NRXN2: variants seen among roughly 807,000 people sequenced by gnomAD.
NRXN2 encodes the protein neurexin-2-beta.
A neutral mutation model predicts 128.8 loss-of-function variants in NRXN2; 29 were observed. The ratio of observed to expected loss-of-function variants is 0.23; its 90% CI spans 0.17 to 0.31. The LOEUF is 0.31. Ranked by LOEUF, NRXN2 falls within the 10% of genes least tolerant of loss-of-function variation. The pLI is 1.00. For missense variants in NRXN2, 1,881 were observed against 2,452.6 expected (o/e 0.77, Z 4.92); for synonymous variants, 1,098 against 1,075.2 (o/e 1.02, Z -0.41).
chr11:64,711,392 G>T (rs935860011), intron 2 of NRXN2, among the ~76,000 whole-genome samples: 1 of 152,180 alleles, frequency 6.6e-6, no homozygotes. Flanking sequence ...GGAGAGACGC[G>T]CATGCGCCGC....
At chr11:64,620,451 C>A in intron 21 of NRXN2, 79 bp from the exon 22 acceptor site, 2 of 1,119,274 alleles carry the variant, frequency 1.8e-6, no homozygotes, top group Non-Finnish European at 2.6e-6. Flanking sequence ...TTGAGGTGCA[C>A]GGTGGCACGG....
intron 2 of NRXN2, among the ~76,000 whole-genome samples, chr11:64,711,836 G>A (rs1394780967): frequency 6.6e-6 from 1 of 152,124 alleles, no homozygotes; most frequent in Non-Finnish European, 1.5e-5. Flanking sequence ...CCTCTCCCTC[G>A]TTTTCCCTTT....
At chr11:64,716,453 T>A (rs1207341988) in intron 1 of NRXN2, among the ~76,000 whole-genome samples, 2 of 151,970 alleles carry the variant, frequency 1.3e-5, no homozygotes, top group Non-Finnish European at 2.9e-5. Context: ...GACGCCTGGG[T>A]CCTGAGAGCC....
intron 9 of NRXN2, among the ~76,000 whole-genome samples, chr11:64,666,764 C>T (rs1490074796): frequency 6.6e-6 from 1 of 151,750 alleles, no homozygotes; most frequent in Non-Finnish European, 1.5e-5. Context: ...GGGGTTTCGC[C>T]GTGTTAGCCA....
Position 64,607,184 on chromosome 11 carries a change from A to C in NRXN2, c.*12T>G, listed in dbSNP as rs1385731673. On this transcript the variant is annotated 3_prime_UTR_variant, in exon 23 of 23. Transcript: ENST00000265459. ...GGAGGGGCAGCTGGCAGTGGGGCGC[A>C]GTGCCGGGGGCTCAGACATAATACT... The C allele has an allele frequency of 6.2e-7, 1 of 1,609,550 alleles. No individual in the cohort carries two copies. The highest frequency in any genetic ancestry group is 2.2e-5 in the East Asian group (1 of 44,728).
intron 1 of NRXN2, among the ~76,000 whole-genome samples, chr11:64,715,506 AG>A (rs1458805600): frequency 6.6e-6 from 1 of 152,168 alleles, no homozygotes; most frequent in Non-Finnish European, 1.5e-5. Context: ...GAAGGAAACG[AG>A]GGACCCCCTA....
intron 6 of NRXN2, among the ~76,000 whole-genome samples, chr11:64,685,173 G>A (rs2052840177): frequency 6.6e-6 from 1 of 152,096 alleles, no homozygotes; most frequent in Non-Finnish European, 1.5e-5. Context: ...GCTTGCCTTC[G>A]TGCCTTGCTG....
At position 64,630,276 on chromosome 11, in the gene NRXN2, C is replaced by T. The variant is rs2043694678; in HGVS notation, c.3757+126G>A. On this transcript the variant is annotated intron_variant, in intron 19 of 22. Transcript: ENST00000265459. The surrounding 1 kb of genome is among the most constrained non-coding windows in gnomAD (Gnocchi z 4.6). ...CTCGCAAGCTTCGTCTCTCCAGTAG[C>T]CCCGCCCCAGAGCCGCTTAGCCCCG... The T allele has an allele frequency of 2.3e-6, 2 of 878,760 alleles. No homozygotes were observed. The highest frequency in any genetic ancestry group is 6.0e-5 in the Admixed American group (2 of 33,120). The allele number at this position is 878,760 out of a possible 1,614,324, so 54.4% of individuals were successfully genotyped here. A position where few individuals can be genotyped will look rare whatever the true frequency, so the allele number is the denominator to read the frequency against.
chr11:64,635,283 C>T lies in NRXN2; in HGVS notation c.3573G>A (p.Leu1191=). 2 of 1,612,834 alleles carry T rather than the reference C, an allele frequency of 1.2e-6. No individual in the cohort carries two copies. Among genetic ancestry groups the T allele is most frequent in the Non-Finnish European group, 1.7e-6 (2 of 1,179,954 alleles). ...VDSASGLGDY[L]QLHIDQGTVG... ...CCAGGGTCCTTACGATGTGCAGCTGCAGGTAGTCTCCAAGGCCGGAGGCGC... is the reference window on the plus strand; with the variant it reads ...CCAGGGTCCTTACGATGTGCAGCTGTAGGTAGTCTCCAAGGCCGGAGGCGC... Residue 1191 remains leucine (L), a synonymous_variant, in exon 18 of 23, where the codon CTG becomes CTA. Coordinates refer to ENST00000265459, the MANE Select transcript of NRXN2 (RefSeq NM_015080.4). The surrounding 1 kb of genome is among the most constrained non-coding windows in gnomAD (Gnocchi z 4.8).
chr11:64,666,772 C>A (rs2049930316), intron 9 of NRXN2, among the ~76,000 whole-genome samples: 3 of 151,826 alleles, frequency 2.0e-5, no homozygotes, highest in Admixed American at 2.0e-4. Flanking sequence ...GCCGTGTTAG[C>A]CAGGATGGTC....
chr11:64,634,608 G>A (rs766728194), intron 18 of NRXN2, among the ~76,000 whole-genome samples: 2 of 152,152 alleles, frequency 1.3e-5, no homozygotes, highest in Admixed American at 1.3e-4. Context: ...GCTGAGCAGA[G>A]AAAGGCAGAG....
intron 15 of NRXN2, 54 bp downstream of exon 15, chr11:64,650,394 G>T: frequency 1.0e-5 from 16 of 1,584,988 alleles, no homozygotes; most frequent in Non-Finnish European, 1.4e-5. Flanking sequence ...GATCTCGCTG[G>T]GGTGAGGGGT....
chr11:64,665,195 T>C (rs1261937964), intron 9 of NRXN2, among the ~76,000 whole-genome samples: 20 of 142,284 alleles, frequency 1.4e-4, no homozygotes, highest in South Asian at 6.7e-4. Context: ...GCAGGAGAAT[T>C]GCTTGAACCC....
At chr11:64,684,910 G>C (rs538859071) in intron 6 of NRXN2, among the ~76,000 whole-genome samples, 10 of 152,192 alleles carry the variant, frequency 6.6e-5, no homozygotes, top group Non-Finnish European at 1.3e-4. Context: ...GCACCTGCGT[G>C]GGCTTGCCCA....
At chr11:64,717,231 G>A (rs1311478496) in intron 1 of NRXN2, among the ~76,000 whole-genome samples, 2 of 152,166 alleles carry the variant, frequency 1.3e-5, no homozygotes, top group African/African-American at 4.8e-5. Flanking sequence ...TACTGCCCCC[G>A]CAAGGCCCAC....
chr11:64,659,217 A>G (rs2048685565), intron 11 of NRXN2, among the ~76,000 whole-genome samples: 1 of 152,188 alleles, frequency 6.6e-6, no homozygotes, highest in African/African-American at 2.4e-5. Flanking sequence ...ATTTGACCTC[A>G]GCCTGAACAG....
chr11:64,667,374 T>A lies in NRXN2; in HGVS notation c.1674A>T (p.Leu558=). Residue 558 remains leucine, a synonymous_variant, in exon 9 of 23, where the codon CTA becomes CTT. Coordinates refer to ENST00000265459, the MANE Select transcript of NRXN2 (RefSeq NM_015080.4). This position sits in a 1 kb window ranked among gnomAD's most constrained non-coding sequence, Gnocchi z 5.6. ...AQRADYFAME[L]LDGHLYLLLD... is the part of the protein sequence containing the mutation. ...GCAGAAGATAGAGGTGGCCGTCCAA[T>A]AGCTCCATGGCAAAGTAGTCGGCCC... is the stretch of plus-strand genomic sequence containing the variant. 1 of 1,614,158 alleles carries A rather than the reference T, an allele frequency of 6.2e-7. No homozygotes were observed. Among genetic ancestry groups the A allele is most frequent in the Non-Finnish European group, 8.5e-7 (1 of 1,180,032 alleles).
Position 64,667,705 on chromosome 11 carries a change from G to A in NRXN2, c.1360-17C>T. On this transcript the variant is annotated splice_polypyrimidine_tract_variant and intron_variant, in intron 8 of 22. Transcript: ENST00000265459. This position sits in a 1 kb window ranked among gnomAD's most constrained non-coding sequence, Gnocchi z 5.6. ...ATAGACCACCTGCAGGGAGGGGTGG[G>A]GTCAGGGATAAAGAATCCGAAAGCA... 2.5e-6 allele frequency: 4 copies of A among 1,613,168 alleles called. No homozygotes were observed. The highest frequency in any genetic ancestry group is 3.4e-6 in the Non-Finnish European group (4 of 1,179,708).
At chr11:64,634,556 G>A (rs556227110) in intron 18 of NRXN2, among the ~76,000 whole-genome samples, 1 of 152,266 alleles carries the variant, frequency 6.6e-6, no homozygotes, top group Non-Finnish European at 1.5e-5. Context: ...AGGTCAAGGT[G>A]GGTAGCAGGC....
Sources: gnomAD v4.1 joint callset for allele counts (sites outside exome capture counted in the v4.1 genomes callset) on GRCh38, gnomAD v4.1.1 for gene constraint, Gnocchi (gnomAD v3.1) non-coding constraint, MANE v1.5 for transcripts, NCBI Gene and HGNC (gene_info 2026-07-23, HGNC 2026-07-21) for gene names.